Variants in PTPRD observed in about 807,000 individuals in gnomAD.
The protein encoded by PTPRD is protein tyrosine phosphatase receptor type D, also known as receptor-type tyrosine-protein phosphatase delta.
Under a neutral mutation model 214.5 loss-of-function variants are expected in PTPRD, and 34 were observed. The observed-to-expected ratio is 0.16, with a 90% confidence interval of 0.12 to 0.21. The LOEUF (loss-of-function observed/expected upper bound fraction) is 0.21, where lower values mean the gene tolerates loss of function less well. PTPRD is among the 10% of genes least tolerant of loss of function. PTPRD has a pLI of 1.00. For synonymous variants in PTPRD, 1,128 were observed against 845.7 expected (o/e 1.33, Z -5.79); for missense variants, 2,545 against 2,398.7 (o/e 1.06, Z -1.27).
chr9:10,165,454 A>C (rs1419105936), intron 3 of PTPRD, among the ~76,000 whole-genome samples: 1 of 151,816 alleles, frequency 6.6e-6, no homozygotes, highest in African/African-American at 2.4e-5. Context: ...ATGCTGAAAA[A>C]ATTTAATAGT....
rs117411713 is a variant in PTPRD, at chr9:8,718,443, T to C, written c.64+15337A>G. Among the ~76,000 whole-genome samples, 28 of 152,306 alleles carry C rather than the reference T, an allele frequency of 1.8e-4. No homozygotes were observed. In the East Asian group the frequency reaches 5.2e-3, roughly 28 times the overall value. Reference sequence around the variant, plus strand: ...TGTGTTGTTCAGTTGCTAAATAGTCTTTTTATAACCTTTTCTGATGTAGTT... The same window carrying C: ...TGTGTTGTTCAGTTGCTAAATAGTCCTTTTATAACCTTTTCTGATGTAGTT... On this transcript the variant is annotated intron_variant, in intron 12 of 45. Transcript: ENST00000381196.
intron 12 of PTPRD, among the ~76,000 whole-genome samples, chr9:8,639,877 G>A (rs1370371079): frequency 2.2e-4 from 33 of 152,172 alleles, no homozygotes; most frequent in East Asian, 1.9e-4. Flanking sequence ...GTGCCATTTC[G>A]ATGTTTTCCA....
At chr9:9,908,001 T>C (rs551691153) in intron 5 of PTPRD, among the ~76,000 whole-genome samples, 21 of 151,928 alleles carry the variant, frequency 1.4e-4, no homozygotes, top group African/African-American at 4.8e-4. Context: ...ATCTTATACT[T>C]TGAGGACTAT....
intron 3 of PTPRD, among the ~76,000 whole-genome samples, chr9:10,086,172 A>G (rs1178142363): frequency 6.6e-6 from 1 of 151,818 alleles, no homozygotes; most frequent in Non-Finnish European, 1.5e-5. Context: ...TCATAGTGAA[A>G]ATGCAAAGTC....
At chr9:9,775,176 G>A (rs989727803) in intron 5 of PTPRD, among the ~76,000 whole-genome samples, 35 of 152,004 alleles carry the variant, frequency 2.3e-4, no homozygotes, top group African/African-American at 7.0e-4. Context: ...ATTAATAATC[G>A]AATCCCATTT....
chr9:10,527,483 G>C (rs969155080), intron 2 of PTPRD, among the ~76,000 whole-genome samples: 2 of 152,154 alleles, frequency 1.3e-5, no homozygotes. Flanking sequence ...AGGTAGACTG[G>C]AAGAAGACAA....
intron 10 of PTPRD, among the ~76,000 whole-genome samples, chr9:9,088,597 A>AAAAAAAAG (rs2099770999): frequency 6.7e-6 from 1 of 149,590 alleles, no homozygotes; most frequent in Non-Finnish European, 1.5e-5. Context: ...AAAAAAAAAA[A>AAAAAAAAG]AAAAAAAAAA....
intron 5 of PTPRD, among the ~76,000 whole-genome samples, chr9:9,790,524 G>A (rs1300642918): frequency 2.0e-5 from 3 of 152,092 alleles, no homozygotes; most frequent in Non-Finnish European, 4.4e-5. Flanking sequence ...TGTTTTGTAA[G>A]TTATTCTGTT....
At chr9:8,464,459 G>C (rs150076259) in intron 32 of PTPRD, among the ~76,000 whole-genome samples, 17 of 151,984 alleles carry the variant, frequency 1.1e-4, no homozygotes, top group African/African-American at 4.1e-4. Context: ...GGCTGCCTTT[G>C]TGTTTTGATT....
intron 21 of PTPRD, among the ~76,000 whole-genome samples, chr9:8,510,878 T>C (rs935715732): frequency 6.6e-6 from 1 of 152,160 alleles, no homozygotes; most frequent in Admixed American, 6.6e-5. Flanking sequence ...AATATATGTA[T>C]ATAAGAAAAC....
chr9:9,601,013 A>G (rs753048941), intron 7 of PTPRD, among the ~76,000 whole-genome samples: 9 of 151,964 alleles, frequency 5.9e-5, no homozygotes, highest in Non-Finnish European at 1.2e-4. Flanking sequence ...GCTCAAAAAT[A>G]TGACAGGAAG....
chr9:9,655,429 C>T (rs184389190), intron 7 of PTPRD, among the ~76,000 whole-genome samples: 27 of 151,830 alleles, frequency 1.8e-4, no homozygotes, highest in African/African-American at 6.0e-4. Flanking sequence ...ATTAGCTGGG[C>T]GTGGTGGCAT....
At position 10,136,352 on chromosome 9, in the gene PTPRD, G is replaced by C. The variant is rs1317793818; in HGVS notation, c.-544-102562C>G. ...AAGGCAGAAAACTAACAGAAATTTTGGACTTAAACTCGACACTTGACGAAT... is the reference window on the plus strand; with the variant it reads ...AAGGCAGAAAACTAACAGAAATTTTCGACTTAAACTCGACACTTGACGAAT... On this transcript the variant is annotated intron_variant, in intron 3 of 45. Transcript: ENST00000381196. 2.6e-5 allele frequency among the ~76,000 whole-genome samples: 4 copies of C among 151,998 alleles called. No individual in the cohort carries two copies. The East Asian group carries it at 5.8e-4, about 22-fold the overall frequency.
At chr9:9,484,843 G>A (rs900988718) in intron 8 of PTPRD, among the ~76,000 whole-genome samples, 16 of 152,046 alleles carry the variant, frequency 1.1e-4, no homozygotes, top group Admixed American at 9.2e-4. Context: ...TATATACCCG[G>A]TTTTTATTTT....
At chr9:10,307,715 C>A (rs1328624665) in intron 3 of PTPRD, among the ~76,000 whole-genome samples, 1 of 151,918 alleles carries the variant, frequency 6.6e-6, no homozygotes, top group African/African-American at 2.4e-5. Context: ...AAAGATACAT[C>A]CTTGCCAGCA....
intron 11 of PTPRD, among the ~76,000 whole-genome samples, chr9:8,941,653 A>C (rs1027469252): frequency 6.6e-6 from 1 of 152,188 alleles, no homozygotes; most frequent in African/African-American, 2.4e-5. Flanking sequence ...ATTATATTTC[A>C]CAAAGTTAAA....
At chr9:10,581,018 T>C (rs977778718) in intron 2 of PTPRD, among the ~76,000 whole-genome samples, 2 of 152,170 alleles carry the variant, frequency 1.3e-5, no homozygotes, top group African/African-American at 4.8e-5. Flanking sequence ...CCTGGGATCC[T>C]GGCTGCATGT....
intron 11 of PTPRD, among the ~76,000 whole-genome samples, chr9:8,755,901 T>A (rs1199128284): frequency 6.6e-6 from 1 of 152,210 alleles, no homozygotes; most frequent in Non-Finnish European, 1.5e-5. Flanking sequence ...TCTAATAAAT[T>A]TGCTTATCTG....
chr9:10,562,134 C>A (rs2064144390), intron 2 of PTPRD, among the ~76,000 whole-genome samples: 1 of 152,058 alleles, frequency 6.6e-6, no homozygotes, highest in Admixed American at 6.6e-5. Context: ...ATCCTTTCAT[C>A]CTATATGTGA....
Sources: allele counts gnomAD v4.1 joint callset (sites outside exome capture counted in the v4.1 genomes callset), GRCh38; gene constraint gnomAD v4.1.1; transcripts MANE v1.5; gene names NCBI Gene and HGNC (gene_info 2026-07-23, HGNC 2026-07-21).